BBX: variants seen among roughly 807,000 people sequenced by gnomAD.
The protein encoded by BBX is BBX high mobility group box domain containing.
Under a neutral mutation model 100.2 loss-of-function variants are expected in BBX, and 30 were observed. The ratio of observed to expected loss-of-function variants is 0.30; its 90% confidence interval spans 0.22 to 0.41. The LOEUF is 0.41. Ranked by LOEUF, BBX falls within the 10% of genes least tolerant of loss-of-function variation. BBX has a pLI of 1.00. For missense variants in BBX, 1,023 were observed against 1,129.8 expected (o/e 0.91, Z 1.35); for synonymous variants, 376 against 388.1 (o/e 0.97, Z 0.37).
chr3:107,654,368 T>A (rs2058014868), intron 3 of BBX, among the ~76,000 whole-genome samples: 1 of 152,212 alleles, frequency 6.6e-6, no homozygotes, highest in African/African-American at 2.4e-5. Flanking sequence ...TTATATCTTA[T>A]TGATAGTAGA....
intron 2 of BBX, among the ~76,000 whole-genome samples, chr3:107,538,825 C>T (rs1189957133): frequency 2.0e-5 from 3 of 151,962 alleles, no homozygotes; most frequent in Non-Finnish European, 4.4e-5. Context: ...TACTCTGTTG[C>T]CCCAGCTAGG....
chr3:107,774,277 C>G (rs2107796779), intron 11 of BBX, among the ~76,000 whole-genome samples: 1 of 152,126 alleles, frequency 6.6e-6, no homozygotes, highest in African/African-American at 2.4e-5. Flanking sequence ...TACCTTTTGC[C>G]AAGCTATATT....
rs151149179 is a variant in BBX at position 107,773,256 on chromosome 3, G to A, written c.1535G>A (p.Arg512His). 1.1e-5 allele frequency: 17 copies of A among 1,614,024 alleles called. No individual in the cohort carries two copies. The highest frequency in any genetic ancestry group is 1.7e-4 in the Middle Eastern group (1 of 6,060). Residue 512 changes from arginine to histidine, a missense_variant, in exon 11 of 18, where the codon CGC (arginine) becomes CAC (histidine). This residue lies in a region of BBX where 348 missense variants were observed against 353.2 expected (regional missense o/e 0.99). Transcript: ENST00000325805. The surrounding 1 kb of genome is among the most constrained non-coding windows in gnomAD (Gnocchi z 4.1). ...KLGDTPRKKV[R>H]TSSSGKGSIL... ...GGAGATACCCCTCGCAAGAAGGTCCGCACATCCTCAAGTGGCAAGGGAAGC... is the reference window on the plus strand; with the variant it reads ...GGAGATACCCCTCGCAAGAAGGTCCACACATCCTCAAGTGGCAAGGGAAGC...
intron 2 of BBX, among the ~76,000 whole-genome samples, chr3:107,567,929 T>C (rs2051044878): frequency 6.6e-6 from 1 of 152,138 alleles, no homozygotes; most frequent in Non-Finnish European, 1.5e-5. Flanking sequence ...TCTACAGTTA[T>C]AGGTATTTGT....
chr3:107,706,987 A>C (rs1166762167), intron 3 of BBX, among the ~76,000 whole-genome samples: 1 of 152,234 alleles, frequency 6.6e-6, no homozygotes, highest in Non-Finnish European at 1.5e-5. Flanking sequence ...TAATTTGAAC[A>C]TAGATCCATA....
rs574373716 is a variant in BBX, at chr3:107,808,487, G to C, written c.*3030G>C. The C allele has an allele frequency of 6.6e-6, 1 of 152,314 alleles. No individual in the cohort carries two copies. Among genetic ancestry groups the C allele is most frequent in the Admixed American group, 6.5e-5 (1 of 15,300 alleles). 9.4% of individuals were successfully genotyped at this position (152,314 alleles called of 1,614,324 possible). On this transcript the variant is annotated 3_prime_UTR_variant, in exon 18 of 18. Coordinates refer to ENST00000325805, the MANE Select transcript of BBX (RefSeq NM_001142568.3). ...GCGTCTCAGATGGAGACGCAGTACTGTTCCAGTTTTCTTTAGCCTTTTATT... is the reference window on the plus strand; with the variant it reads ...GCGTCTCAGATGGAGACGCAGTACTCTTCCAGTTTTCTTTAGCCTTTTATT...
At chr3:107,677,871 C>T (rs992696202) in intron 3 of BBX, among the ~76,000 whole-genome samples, 5 of 152,038 alleles carry the variant, frequency 3.3e-5, no homozygotes, top group Admixed American at 1.3e-4. Context: ...TTATTGTTTA[C>T]GGAACTATAA....
chr3:107,737,884 GT>G (rs1156396951), intron 7 of BBX, among the ~76,000 whole-genome samples: 11,481 of 49,228 alleles, frequency 0.23, 797 homozygotes, highest in Middle Eastern at 0.45. Context: ...CAGAGTTCCA[GT>G]TTTTTTTTTT....
chr3:107,616,133 T>C (rs1250599499), intron 2 of BBX, among the ~76,000 whole-genome samples: 1 of 150,210 alleles, frequency 6.7e-6, no homozygotes, highest in East Asian at 2.0e-4. Flanking sequence ...GAAATACAGG[T>C]TGAGCATCCC....
intron 2 of BBX, among the ~76,000 whole-genome samples, chr3:107,527,099 G>C (rs2047836317): frequency 6.6e-6 from 1 of 152,168 alleles, no homozygotes; most frequent in Non-Finnish European, 1.5e-5. Context: ...ATATGTGTGG[G>C]ACAGTAAGTG....
At chr3:107,642,743 T>C (rs1168421846) in intron 2 of BBX, among the ~76,000 whole-genome samples, 1 of 152,194 alleles carries the variant, frequency 6.6e-6, no homozygotes, top group Admixed American at 6.5e-5. Flanking sequence ...ATTTTTGTTG[T>C]TGTTTTTACT....
rs114778981 is a variant in BBX, at chr3:107,619,031, C to T, written c.-83-26805C>T. ...TTGTGGATTTGTCTGTTTCTCCTTT[C>T]GGTTCTATAAGTTTTTACTCTATAT... On this transcript the variant is annotated intron_variant, in intron 2 of 17. Coordinates refer to ENST00000325805, the MANE Select transcript of BBX (RefSeq NM_001142568.3). Among the ~76,000 whole-genome samples the T allele has an allele frequency of 8.4e-3, 1,283 of 152,030 alleles. 6 individuals are homozygous for T. Among genetic ancestry groups the T allele is most frequent in the Non-Finnish European group, 0.015 (1,049 of 67,908 alleles).
chr3:107,601,606 T>C lies in BBX; in HGVS notation c.-83-44230T>C, dbSNP rs73204822. On this transcript the variant is annotated intron_variant, in intron 2 of 17. Coordinates refer to ENST00000325805, the MANE Select transcript of BBX (RefSeq NM_001142568.3). ...AAGGCCCTAACTCTCTTCAATCCTCTGAAGGCTGAGAGAGATGAAAAAGCT... is the reference window on the plus strand; with the variant it reads ...AAGGCCCTAACTCTCTTCAATCCTCCGAAGGCTGAGAGAGATGAAAAAGCT... Among the ~76,000 whole-genome samples, 561 of 152,278 alleles carry C rather than the reference T, an allele frequency of 3.7e-3. 4 individuals are homozygous for C. Among genetic ancestry groups the C allele is most frequent in the Non-Finnish European group, 2.0e-3 (137 of 68,026 alleles).
rs894766478 is a variant in BBX at position 107,807,559 on chromosome 3, C to A, written c.*2102C>A. ...AACCAACAACAAAAATTGTATGGTG[C>A]GGAACATGCACCTTGACAATGGTAC... On this transcript the variant is annotated 3_prime_UTR_variant, in exon 18 of 18. Transcript: ENST00000325805. 1 of 151,966 alleles carries A rather than the reference C, an allele frequency of 6.6e-6. No homozygotes were observed. The highest frequency in any genetic ancestry group is 1.5e-5 in the Non-Finnish European group (1 of 67,994). 9.4% of individuals were successfully genotyped at this position (151,966 alleles called of 1,614,324 possible). A position where few individuals can be genotyped will look rare whatever the true frequency, so the allele number is the denominator to read the frequency against.
chr3:107,615,591 A>G (rs2055191517), intron 2 of BBX, among the ~76,000 whole-genome samples: 2 of 152,184 alleles, frequency 1.3e-5, no homozygotes, highest in African/African-American at 4.8e-5. Flanking sequence ...TCCAAAAACC[A>G]TAACCTTGGG....
intron 3 of BBX, among the ~76,000 whole-genome samples, chr3:107,665,183 G>A (rs1250764824): frequency 6.6e-6 from 1 of 152,160 alleles, no homozygotes; most frequent in Non-Finnish European, 1.5e-5. Context: ...TTTATTGAAT[G>A]TAGAAAGGAA....
rs1008281503 is a variant in BBX, at chr3:107,591,152, C to T, written c.-83-54684C>T. Reference sequence around the variant, plus strand: ...TAATAGATTAAGCAGAGAAACACATCATTCCTTTTCAAGGTTCATATCTCT... The same window carrying T: ...TAATAGATTAAGCAGAGAAACACATTATTCCTTTTCAAGGTTCATATCTCT... On this transcript the variant is annotated intron_variant, in intron 2 of 17. Coordinates refer to ENST00000325805, the MANE Select transcript of BBX (RefSeq NM_001142568.3). 2.6e-5 allele frequency among the ~76,000 whole-genome samples: 4 copies of T among 152,220 alleles called. No homozygotes were observed. In the East Asian group the frequency reaches 7.7e-4, roughly 29 times the overall value.
At chr3:107,781,985 C>T (rs906822390) in intron 13 of BBX, among the ~76,000 whole-genome samples, 9 of 152,070 alleles carry the variant, frequency 5.9e-5, no homozygotes, top group Non-Finnish European at 4.4e-5. Context: ...CTTACAGAGC[C>T]GAGATGTGAT....
chr3:107,729,016 C>A (rs2063147676), intron 6 of BBX, 56 bp downstream of exon 6: 5 of 1,544,780 alleles, frequency 3.2e-6, no homozygotes, highest in Non-Finnish European at 4.4e-6. Flanking sequence ...TACATTTCGG[C>A]AGCATTTTAA....
Sources: gnomAD v4.1 joint callset for allele counts (sites outside exome capture counted in the v4.1 genomes callset) on GRCh38, gnomAD v4.1.1 for gene constraint, gnomAD v4.1.1 regional missense constraint, Gnocchi (gnomAD v3.1) non-coding constraint, MANE v1.5 for transcripts, NCBI Gene and HGNC (gene_info 2026-07-23, HGNC 2026-07-21) for gene names.